CREB5: variants seen among roughly 807,000 people sequenced by gnomAD.
CREB5 encodes cyclic AMP-responsive element-binding protein 5.
CREB5 carries 19 observed loss-of-function variants against 57.1 expected under a neutral mutation model. That is an observed-to-expected ratio of 0.33 (90% confidence interval 0.23 to 0.49). The LOEUF is 0.49. Among genes scored for constraint, CREB5 ranks in the 20% least tolerant of loss-of-function variants. The pLI, the probability that CREB5 is intolerant of heterozygous loss-of-function variation, is 0.99. For synonymous variants in CREB5, 238 were observed against 238.3 expected, an observed-to-expected ratio of 1.00 and a Z score of 0.01; for missense variants, 579 against 671.6, an observed-to-expected ratio of 0.86 and a Z score of 1.52.
intron 1 of CREB5, among the ~76,000 whole-genome samples, chr7:28,306,622 G>A (rs928482991): frequency 2.1e-5 from 3 of 144,838 alleles, no homozygotes; most frequent in Non-Finnish European, 3.0e-5. Flanking sequence ...GTGCAGTGGC[G>A]GGATCTCGGC....
At chr7:28,539,868 AG>A (rs1794135554) in intron 4 of CREB5, among the ~76,000 whole-genome samples, 1 of 152,202 alleles carries the variant, frequency 6.6e-6, no homozygotes, top group African/African-American at 2.4e-5. Context: ...TTTGAAAATA[AG>A]CACAGACATT....
intron 4 of CREB5, among the ~76,000 whole-genome samples, chr7:28,550,127 C>T (rs894456518): frequency 6.6e-6 from 1 of 151,942 alleles, no homozygotes; most frequent in Admixed American, 6.6e-5. Context: ...CCTTTTCTTA[C>T]TCCTCTTCTT....
At chr7:28,611,657 C>G (rs1797391137) in intron 5 of CREB5, among the ~76,000 whole-genome samples, 1 of 149,206 alleles carries the variant, frequency 6.7e-6, no homozygotes, top group Non-Finnish European at 1.5e-5. Flanking sequence ...GCCTGTGCGA[C>G]AGAGACTCTG....
intron 5 of CREB5, among the ~76,000 whole-genome samples, chr7:28,667,304 C>T (rs1046612775): frequency 6.7e-6 from 1 of 149,902 alleles, no homozygotes; most frequent in African/African-American, 2.5e-5. Flanking sequence ...TCTAGTTGCT[C>T]GAAACTGCCA....
At chr7:28,722,319 C>A (rs1803077930) in intron 6 of CREB5, among the ~76,000 whole-genome samples, 1 of 152,096 alleles carries the variant, frequency 6.6e-6, no homozygotes, top group Non-Finnish European at 1.5e-5. Flanking sequence ...TCTTTGGCAA[C>A]CTGGAAGCAA....
chr7:28,361,149 GTAA>G (rs1221023998), intron 1 of CREB5, among the ~76,000 whole-genome samples: 1 of 152,108 alleles, frequency 6.6e-6, no homozygotes, highest in Non-Finnish European at 1.5e-5. Context: ...AGAAATAACT[GTAA>G]TAATAAGATT....
chr7:28,651,351 A>G (rs1799121388), intron 5 of CREB5, among the ~76,000 whole-genome samples: 1 of 152,186 alleles, frequency 6.6e-6, no homozygotes, highest in Non-Finnish European at 1.5e-5. Flanking sequence ...AGCATTTCCC[A>G]CCAAATATGT....
At chr7:28,460,440 A>C (rs1051645660) in intron 1 of CREB5, among the ~76,000 whole-genome samples, 3 of 152,250 alleles carry the variant, frequency 2.0e-5, no homozygotes, top group African/African-American at 7.2e-5. Context: ...GACGAAGCAT[A>C]GACCCCTGAT....
chr7:28,597,432 A>G (rs1796726809), intron 5 of CREB5, among the ~76,000 whole-genome samples: 1 of 152,130 alleles, frequency 6.6e-6, no homozygotes, highest in Non-Finnish European at 1.5e-5. Context: ...TGTCATTTCC[A>G]GTGCACTCTC....
chr7:28,618,924 CT>C (rs1451901175), intron 5 of CREB5, among the ~76,000 whole-genome samples: 4 of 152,206 alleles, frequency 2.6e-5, no homozygotes, highest in Non-Finnish European at 5.9e-5. Flanking sequence ...TTGTTACATG[CT>C]CAGAGAATTT....
At chr7:28,393,844 G>T (rs1047702873) in intron 1 of CREB5, among the ~76,000 whole-genome samples, 1 of 152,138 alleles carries the variant, frequency 6.6e-6, no homozygotes, top group African/African-American at 2.4e-5. Flanking sequence ...GGAGGCCAAG[G>T]TAGGTGGATC....
Position 28,454,839 on chromosome 7 carries a change from C to T in CREB5, c.4-33336C>T, listed in dbSNP as rs549203384. On this transcript the variant is annotated intron_variant, in intron 1 of 10. Coordinates refer to ENST00000357727, the MANE Select transcript of CREB5 (RefSeq NM_182898.4). Reference sequence around the variant, plus strand: ...ACTTGGAAGATCCGACCTACTCTAACGGAATGTGACCCAGGGCTGGTGGGC... The same window carrying T: ...ACTTGGAAGATCCGACCTACTCTAATGGAATGTGACCCAGGGCTGGTGGGC... Among the ~76,000 whole-genome samples the T allele has an allele frequency of 4.6e-5, 7 of 152,220 alleles. No homozygotes were observed. The East Asian group carries it at 7.7e-4, about 17-fold the overall frequency.
chr7:28,524,985 C>T (rs112881128), intron 4 of CREB5, among the ~76,000 whole-genome samples: 63 of 143,892 alleles, frequency 4.4e-4, no homozygotes, highest in African/African-American at 1.4e-3. Context: ...CGAACCCCAC[C>T]CCCGACCCTT....
chr7:28,816,805 G>C (rs1172471981), intron 9 of CREB5, among the ~76,000 whole-genome samples: 1 of 152,202 alleles, frequency 6.6e-6, no homozygotes, highest in Non-Finnish European at 1.5e-5. Flanking sequence ...GTCCTTTTCG[G>C]TGTGCATGCA....
upstream of CREB5, among the ~76,000 whole-genome samples, chr7:28,408,741 A>G (rs1787645735): frequency 6.6e-6 from 1 of 152,076 alleles, no homozygotes; most frequent in African/African-American, 2.4e-5. Context: ...ACCATAAGGA[A>G]GTTATTCTCC....
At chr7:28,618,592 G>A (rs1482163410) in intron 5 of CREB5, among the ~76,000 whole-genome samples, 2 of 152,130 alleles carry the variant, frequency 1.3e-5, no homozygotes, top group Admixed American at 1.3e-4. Context: ...TGCGGGACCA[G>A]TAGGGCTCTC....
At position 28,790,458 on chromosome 7, in the gene CREB5, GAGAT is replaced by G. The variant is rs1187332151; in HGVS notation, c.703-13737_703-13734del. Among the ~76,000 whole-genome samples the G allele has an allele frequency of 7.3e-3, 257 of 35,130 alleles. 1 individual carries two copies. The highest frequency in any genetic ancestry group is 0.012 in the African/African-American group (83 of 7,028). The allele number at this position is 35,130 out of a possible 152,430, so 23.0% of individuals were successfully genotyped here. ...AGAGAGAGAGAGAGAGAGAGAGAGA[GAGAT>G]AGAGAGAGAGAGAAAGAAAGAAAGA... On this transcript the variant is annotated intron_variant, in intron 7 of 10. Coordinates refer to ENST00000357727, the MANE Select transcript of CREB5 (RefSeq NM_182898.4).
At chr7:28,354,416 T>C (rs1490147425) in intron 1 of CREB5, among the ~76,000 whole-genome samples, 2 of 152,186 alleles carry the variant, frequency 1.3e-5, no homozygotes, top group East Asian at 3.9e-4. Flanking sequence ...ATGCTGATGC[T>C]TCCTGCTCTC....
chr7:28,480,966 G>A (rs956199840), intron 1 of CREB5, among the ~76,000 whole-genome samples: 39 of 151,930 alleles, frequency 2.6e-4, no homozygotes, highest in Admixed American at 4.6e-4. Flanking sequence ...AGAAACATAT[G>A]GAAAATTTAA....
Sources: allele counts gnomAD v4.1 joint callset (sites outside exome capture counted in the v4.1 genomes callset), GRCh38; gene constraint gnomAD v4.1.1; transcripts MANE v1.5; gene names NCBI Gene and HGNC (gene_info 2026-07-23, HGNC 2026-07-21).